The following DENND2A variants were observed in gnomAD, a reference collection of about 807,000 sequenced individuals.
The protein encoded by DENND2A is DENN domain containing 2A.
In DENND2A, 53 loss-of-function variants were observed where a neutral mutation model predicts 105.3. The observed-to-expected ratio is 0.50, with a 90% CI of 0.40 to 0.63. The LOEUF is 0.63. Ranked by LOEUF, DENND2A falls within the 30% of genes least tolerant of loss-of-function variation. The pLI is 0.00. For synonymous variants in DENND2A, 522 were observed against 508.4 expected, an observed-to-expected ratio of 1.03 and a Z score of -0.36; for missense variants, 1,138 against 1,279.6, an observed-to-expected ratio of 0.89 and a Z score of 1.69.
intron 1 of DENND2A, among the ~76,000 whole-genome samples, chr7:140,623,400 T>G (rs1199481663): frequency 6.7e-6 from 1 of 150,240 alleles, no homozygotes; most frequent in East Asian, 2.0e-4. Flanking sequence ...TTAGTAAGGC[T>G]GTAGTCAGGA....
chr7:140,562,413 G>C (rs1414372387), intron 9 of DENND2A, among the ~76,000 whole-genome samples: 1 of 152,020 alleles, frequency 6.6e-6, no homozygotes, highest in African/African-American at 2.4e-5. Context: ...TGTAATCCCA[G>C]CACTTTGGGA....
At chr7:140,580,345 T>A (rs1046968049) in intron 5 of DENND2A, among the ~76,000 whole-genome samples, 2 of 113,932 alleles carry the variant, frequency 1.8e-5, no homozygotes, top group African/African-American at 6.5e-5. Context: ...ATTTATTTAT[T>A]TTTGGAGACA....
At chr7:140,603,742 C>A (rs1799600081) in intron 2 of DENND2A, among the ~76,000 whole-genome samples, 1 of 152,224 alleles carries the variant, frequency 6.6e-6, no homozygotes, top group Non-Finnish European at 1.5e-5. Flanking sequence ...TAGCCACCAG[C>A]CACACGTGAC....
In DENND2A at chr7:140,527,332, G is replaced by T. The variant is rs1294336943; in HGVS notation, c.2491C>A (p.Leu831Met). 9 of 1,589,018 alleles carry T rather than the reference G, an allele frequency of 5.7e-6. No individual in the cohort carries two copies. The highest frequency in any genetic ancestry group is 7.7e-6 in the Non-Finnish European group (9 of 1,169,348). ...LSSSLPLLRE[L>M]PLEEVLVVDL... ...TGGGAGCTCACCTCTTCCAGCGGCAGCTCCCTGAGCAGTGGCAGCGAGCTG... is the reference window on the plus strand; with the variant it reads ...TGGGAGCTCACCTCTTCCAGCGGCATCTCCCTGAGCAGTGGCAGCGAGCTG... The change falls in exon 15 of 20, where the codon CTG (leucine) becomes ATG (methionine). Residue 831 changes from leucine to methionine, a missense_variant. Transcript: ENST00000496613. The surrounding 1 kb of genome is among the most constrained non-coding windows in gnomAD (Gnocchi z 4.9).
At chr7:140,603,792 C>T (rs530432556) in intron 2 of DENND2A, among the ~76,000 whole-genome samples, 1 of 152,322 alleles carries the variant, frequency 6.6e-6, no homozygotes, top group South Asian at 2.1e-4. Context: ...GCTTCAGTTC[C>T]TCAGTTACAC....
chr7:140,611,053 TA>T (rs1799878054), intron 1 of DENND2A, among the ~76,000 whole-genome samples: 1 of 152,178 alleles, frequency 6.6e-6, no homozygotes, highest in African/African-American at 2.4e-5. Context: ...TTATTATTAT[TA>T]TTATTTTTTG....
chr7:140,557,532 T>TATATATATATATATATATG (rs71173208), intron 11 of DENND2A, among the ~76,000 whole-genome samples: 5 of 14,282 alleles, frequency 3.5e-4, no homozygotes, highest in Non-Finnish European at 7.2e-4. Flanking sequence ...TATATATATA[T>TATATATATATATATATATG]TTTTTTTTTT....
chr7:140,563,667 C>A (rs914832755), intron 9 of DENND2A, among the ~76,000 whole-genome samples: 3 of 114,640 alleles, frequency 2.6e-5, no homozygotes, highest in African/African-American at 1.0e-4. Context: ...AGGATGATCA[C>A]CATTGCATTA....
intron 1 of DENND2A, among the ~76,000 whole-genome samples, chr7:140,620,239 A>G (rs1800233377): frequency 6.6e-6 from 1 of 151,852 alleles, no homozygotes; most frequent in Non-Finnish European, 1.5e-5. Context: ...CTAGAAAGAA[A>G]AAAGAAGACT....
intron 3 of DENND2A, among the ~76,000 whole-genome samples, chr7:140,595,635 G>A (rs1033671005): frequency 2.6e-5 from 4 of 152,240 alleles, no homozygotes; most frequent in African/African-American, 9.6e-5. Context: ...TGGGTGTGGT[G>A]GCATGTGCCT....
At chr7:140,531,212 T>C (rs1209099593) in intron 14 of DENND2A, among the ~76,000 whole-genome samples, 3 of 152,252 alleles carry the variant, frequency 2.0e-5, no homozygotes, top group Non-Finnish European at 4.4e-5. Flanking sequence ...CACTTTGTTC[T>C]AAATTGTTTA....
intron 5 of DENND2A, among the ~76,000 whole-genome samples, chr7:140,576,010 T>G (rs909209156): frequency 7.3e-5 from 11 of 150,752 alleles, no homozygotes; most frequent in African/African-American, 2.7e-4. Context: ...AATGTACTGA[T>G]ATGGAAGGTT....
At chr7:140,528,933 A>G (rs6975258) in intron 14 of DENND2A, among the ~76,000 whole-genome samples, 24,755 of 151,808 alleles carry the variant, frequency 0.16, 3,397 homozygotes, top group African/African-American at 0.38. Context: ...GTGATACCTC[A>G]TCTCTATCAA....
At chr7:140,561,498 CTTTTTT>C (rs536896244) in intron 9 of DENND2A, among the ~76,000 whole-genome samples, 1 of 102,508 alleles carries the variant, frequency 9.8e-6, no homozygotes. Context: ...TTTCTGTTGT[CTTTTTT>C]TTTTTTTTTT....
intron 3 of DENND2A, among the ~76,000 whole-genome samples, chr7:140,598,987 T>A (rs556590475): frequency 9.2e-5 from 14 of 152,180 alleles, no homozygotes; most frequent in Non-Finnish European, 2.1e-4. Flanking sequence ...TCCAAGAGGA[T>A]CAACTGACTA....
At chr7:140,577,767 C>G (rs547249340) in intron 5 of DENND2A, among the ~76,000 whole-genome samples, 1 of 152,272 alleles carries the variant, frequency 6.6e-6, no homozygotes, top group South Asian at 2.1e-4. Context: ...GTTAAAACTA[C>G]TAAACTGTGT....
chr7:140,568,449 C>T (rs1424589626), intron 8 of DENND2A, among the ~76,000 whole-genome samples: 1 of 152,168 alleles, frequency 6.6e-6, no homozygotes, highest in Non-Finnish European at 1.5e-5. Context: ...AGCTCCAGGT[C>T]TCTGGAGGCT....
rs528617469 is a variant in DENND2A at position 140,550,226 on chromosome 7, C to T, written c.2038-3287G>A. 3.9e-4 allele frequency among the ~76,000 whole-genome samples: 59 copies of T among 152,074 alleles called. 1 individual carries two copies. Among genetic ancestry groups the T allele is most frequent in the Admixed American group, 3.1e-3 (48 of 15,270 alleles). On this transcript the variant is annotated intron_variant, in intron 12 of 19. Coordinates refer to ENST00000496613, the MANE Select transcript of DENND2A (RefSeq NM_015689.5). ...TTTTCTTTTGAGACAGAGTTTCGCT[C>T]TTGTTGCCCAGGCTGGAGTGCAATG...
chr7:140,525,705 T>C lies in DENND2A; in HGVS notation c.2547+46A>G, dbSNP rs780708233. 3 of 1,546,584 alleles carry C rather than the reference T, an allele frequency of 1.9e-6. No individual in the cohort carries two copies. The South Asian group carries it at 3.7e-5, about 19-fold the overall frequency. On this transcript the variant is annotated intron_variant, in intron 16 of 19. Coordinates refer to ENST00000496613, the MANE Select transcript of DENND2A (RefSeq NM_015689.5). Reference sequence around the variant, plus strand: ...GGAGAGCTGAGCCCCAAACAACAAATAGGTAAAGACAAAGGGAGCAGGAGG... The same window carrying C: ...GGAGAGCTGAGCCCCAAACAACAAACAGGTAAAGACAAAGGGAGCAGGAGG...
Sources: allele counts gnomAD v4.1 joint callset (sites outside exome capture counted in the v4.1 genomes callset), GRCh38; gene constraint gnomAD v4.1.1; non-coding constraint Gnocchi (gnomAD v3.1); transcripts MANE v1.5; gene names NCBI Gene and HGNC (gene_info 2026-07-23, HGNC 2026-07-21).